The following PRDM15 variants were observed in gnomAD, a reference collection of about 807,000 sequenced individuals.
PRDM15 encodes PR domain zinc finger protein 15.
A neutral mutation model predicts 128.6 loss-of-function variants in PRDM15; 64 were observed. That is an observed-to-expected ratio of 0.50 (90% CI 0.41 to 0.61). PRDM15 has a LOEUF of 0.61. Among genes scored for constraint, PRDM15 ranks in the 20% least tolerant of loss-of-function variants. The pLI, the probability that PRDM15 is intolerant of heterozygous loss-of-function variation, is 0.00. For synonymous variants in PRDM15, 615 were observed against 621.8 expected (o/e 0.99, Z 0.16); for missense variants, 1,242 against 1,569.1 (o/e 0.79, Z 3.52).
At chr21:41,861,625 G>A in intron 1 of PRDM15, 2 of 1,614,032 alleles carry the variant, frequency 1.2e-6, no homozygotes, top group Non-Finnish European at 1.7e-6. Context: ...AGGAAAGTGT[G>A]CATGCTGGCA....
intron 11 of PRDM15, 126 bp downstream of exon 11, chr21:41,835,311 G>A: frequency 1.3e-6 from 1 of 776,362 alleles, no homozygotes; most frequent in Non-Finnish European, 2.2e-6. Flanking sequence ...AGAGGGAAAT[G>A]TTAAAAGTGA....
intron 6 of PRDM15, among the ~76,000 whole-genome samples, chr21:41,840,316 T>C (rs1002728709): frequency 2.0e-5 from 3 of 151,796 alleles, no homozygotes; most frequent in Admixed American, 1.3e-4. Context: ...TGTGGTGGTG[T>C]GTGCCTGTAG....
rs112838724 is a variant in PRDM15, at chr21:41,820,343, G to A, written c.2061-169C>T. 9.1e-3 allele frequency among the ~76,000 whole-genome samples: 1,392 copies of A among 152,290 alleles called. 20 individuals carry two copies. The highest frequency in any genetic ancestry group is 0.032 in the African/African-American group (1,313 of 41,562). On this transcript the variant is annotated intron_variant, in intron 16 of 23. Transcript: ENST00000398548. The stretch of plus-strand genomic sequence containing the variant: ...GCCACGGGCTCAATCGTAACCCCCC[G>A]AATTCCTACATCGAAGTCTTAACCC...
intron 21 of PRDM15, among the ~76,000 whole-genome samples, chr21:41,806,400 CCACCACCACCAT>C (rs2061630929): frequency 9.1e-5 from 3 of 32,804 alleles, no homozygotes; most frequent in Admixed American, 4.2e-4. Flanking sequence ...ACCATCACCA[CCACCACCACCAT>C]CACCACCACC....
chr21:41,852,437 C>T (rs12483199), intron 5 of PRDM15, among the ~76,000 whole-genome samples: 119,676 of 152,218 alleles, frequency 0.79, 47,049 homozygotes, highest in African/African-American at 0.82. Flanking sequence ...GACTTGGAAA[C>T]GGCCCCTGAC....
chr21:41,879,169 G>T lies in PRDM15; in HGVS notation c.-10+101C>A. 1.1e-6 allele frequency: 1 copy of T among 890,294 alleles called. No homozygotes were observed. The highest frequency in any genetic ancestry group is 1.4e-6 in the Non-Finnish European group (1 of 739,932). The allele number at this position is 890,294 out of a possible 1,614,324, so 55.1% of individuals were successfully genotyped here. A position where few individuals can be genotyped will look rare whatever the true frequency, so the allele number is the denominator to read the frequency against. On this transcript the variant is annotated intron_variant, in intron 1 of 23. Coordinates refer to ENST00000398548, the MANE Select transcript of PRDM15 (RefSeq NM_001040424.3). This position sits in a 1 kb window ranked among gnomAD's most constrained non-coding sequence, Gnocchi z 5.1. ...CCGGGCGCGGGGGGCGGGGGGCAGC[G>T]GGCCCAGGGCGCGCCGGGGCTCGCG...
intron 1 of PRDM15, chr21:41,877,516 A>G (rs1230273539): frequency 1.3e-5 from 2 of 152,240 alleles, no homozygotes; most frequent in African/African-American, 4.8e-5. Flanking sequence ...CTGAAAAATC[A>G]TTTAAGTCAC....
At chr21:41,844,320 G>A (rs111951694) in intron 6 of PRDM15, among the ~76,000 whole-genome samples, 3,591 of 151,762 alleles carry the variant, frequency 0.024, 105 homozygotes, top group African/African-American at 0.065. Context: ...TGGCACCTCC[G>A]CCCTCAAGAG....
rs751172597 is a variant in PRDM15, at chr21:41,810,295, C to T, written c.2511G>A (p.Lys837=). Residue 837 remains lysine, a synonymous_variant, in exon 21 of 24, where the codon AAG becomes AAA. Transcript: ENST00000398548. This position sits in a 1 kb window ranked among gnomAD's most constrained non-coding sequence, Gnocchi z 6.4. Reference sequence around the variant, plus strand: ...GCAGCATGTACTCGGTCACGTACTTCTTGTCGCACACGGAGCACGTCCACT... The same window carrying T: ...GCAGCATGTACTCGGTCACGTACTTTTTGTCGCACACGGAGCACGTCCACT... ...GKQWTCSVCD[K]KYVTEYMLQK... The T allele has an allele frequency of 6.2e-7, 1 of 1,613,594 alleles. No individual in the cohort carries two copies.
At chr21:41,826,630 G>A (rs1051577542) in intron 12 of PRDM15, among the ~76,000 whole-genome samples, 15 of 152,176 alleles carry the variant, frequency 9.9e-5, no homozygotes, top group African/African-American at 3.4e-4. Flanking sequence ...TTGACCAAAA[G>A]AGAGAAACCC....
In PRDM15 at chr21:41,804,536, G is replaced by C; in HGVS notation, c.2731C>G (p.Gln911Glu). Residue 911 changes from glutamine (Q) to glutamate (E), a missense_variant and splice_region_variant, in exon 22 of 24, where the codon CAG becomes GAG. Coordinates refer to ENST00000398548, the MANE Select transcript of PRDM15 (RefSeq NM_001040424.3). ...TIDASSIGIVQPELTLEQEDL... is the reference protein window; with the variant it reads ...TIDASSIGIVEPELTLEQEDL... The stretch of plus-strand genomic sequence containing the variant: ...CCCTGGGGCCCCATGCTGCTCACCT[G>C]GACGATGCCAATGGAGGAGGCGTCG... The C allele has an allele frequency of 1.3e-6, 2 of 1,564,326 alleles. No homozygotes were observed. The highest frequency in any genetic ancestry group is 1.7e-6 in the Non-Finnish European group (2 of 1,153,760).
At chr21:41,804,271 C>G (rs1002457265) in intron 22 of PRDM15, among the ~76,000 whole-genome samples, 2 of 152,192 alleles carry the variant, frequency 1.3e-5, no homozygotes, top group African/African-American at 4.8e-5. Context: ...GCCAATTGTT[C>G]TAATTTCTAT....
intron 10 of PRDM15, 76 bp from the exon 11 acceptor site, chr21:41,835,600 C>G (rs1004113655): frequency 7.5e-6 from 9 of 1,207,462 alleles, no homozygotes; most frequent in Non-Finnish European, 9.7e-6. Flanking sequence ...ACGTGCTGCC[C>G]GGGCGACTCC....
At chr21:41,864,571 G>A (rs1056161558) in intron 1 of PRDM15, among the ~76,000 whole-genome samples, 12 of 151,918 alleles carry the variant, frequency 7.9e-5, no homozygotes, top group African/African-American at 2.2e-4. Flanking sequence ...ACCTGGAACC[G>A]CTGTGACCTC....
In PRDM15 at chr21:41,815,679, T is replaced by C. The variant is rs200402151; in HGVS notation, c.2392+26A>G. 4.3e-4 allele frequency: 693 copies of C among 1,610,552 alleles called. 5 individuals carry two copies. In the African/African-American group the frequency reaches 8.4e-3, roughly 19 times the overall value. On this transcript the variant is annotated intron_variant, in intron 19 of 23. Transcript: ENST00000398548. The stretch of plus-strand genomic sequence containing the variant: ...TTCCCTACACAGTGAGCGCCGTGGC[T>C]GGCGCGGCCCGGGCCTCGGACTCAC...
intron 9 of PRDM15, 59 bp from the exon 10 acceptor site, chr21:41,836,266 A>C: frequency 6.6e-7 from 1 of 1,503,912 alleles, no homozygotes; most frequent in East Asian, 2.3e-5. Context: ...CGAGAGAAGC[A>C]TGCCCACCGG....
At chr21:41,825,890 T>C (rs2062451529) in intron 13 of PRDM15, 70 bp downstream of exon 13, 1 of 1,191,230 alleles carries the variant, frequency 8.4e-7, no homozygotes, top group African/African-American at 1.5e-5. Context: ...TAAGTACAGC[T>C]CATAGAGTCT....
In PRDM15 at chr21:41,806,868, GCCATCA is replaced by G. The variant is rs1485884877; in HGVS notation, c.2653-2260_2653-2255del. On this transcript the variant is annotated intron_variant, in intron 21 of 23. Coordinates refer to ENST00000398548, the MANE Select transcript of PRDM15 (RefSeq NM_001040424.3). ...TGTCACCACCATCACCACTACCACC[GCCATCA>G]CCATCAGCACCACTACCACCATGTG... Among the ~76,000 whole-genome samples, 4 of 118,624 alleles carry G rather than the reference GCCATCA, an allele frequency of 3.4e-5. No homozygotes were observed. The South Asian group carries it at 9.2e-4, about 27-fold the overall frequency. 77.8% of individuals were successfully genotyped at this position (118,624 alleles called of 152,430 possible).
chr21:41,822,156 C>T, intron 14 of PRDM15, 119 bp from the exon 15 acceptor site: 3 of 1,370,760 alleles, frequency 2.2e-6, no homozygotes, highest in Non-Finnish European at 3.0e-6. Context: ...CTCTCTGATG[C>T]CCGTGGCGCC....
Sources: allele counts gnomAD v4.1 joint callset (sites outside exome capture counted in the v4.1 genomes callset), GRCh38; gene constraint gnomAD v4.1.1; non-coding constraint Gnocchi (gnomAD v3.1); transcripts MANE v1.5; gene names NCBI Gene and HGNC (gene_info 2026-07-23, HGNC 2026-07-21).